The following TMEM135 variants were observed in gnomAD, a reference collection of about 807,000 sequenced individuals.
The protein encoded by TMEM135 is transmembrane protein 135.
TMEM135 carries 30 observed loss-of-function variants against 60.3 expected under a neutral mutation model. The ratio of observed to expected loss-of-function variants is 0.50; its 90% CI spans 0.37 to 0.68. The LOEUF (loss-of-function observed/expected upper bound fraction) is 0.68, where lower values mean the gene tolerates loss of function less well. Among genes scored for constraint, TMEM135 ranks in the 30% least tolerant of loss-of-function variants. The pLI is 0.00. For missense variants in TMEM135, 468 were observed against 548.8 expected (o/e 0.85, Z 1.47); for synonymous variants, 190 against 186.7 (o/e 1.02, Z -0.14).
At chr11:87,307,791 T>C (rs1942577614) in intron 9 of TMEM135, among the ~76,000 whole-genome samples, 2 of 152,206 alleles carry the variant, frequency 1.3e-5, no homozygotes, top group South Asian at 4.1e-4. Flanking sequence ...AATTACACCA[T>C]ATGTTAAATC....
chr11:87,236,919 A>G (rs1941010784), intron 6 of TMEM135, among the ~76,000 whole-genome samples: 1 of 151,858 alleles, frequency 6.6e-6, no homozygotes, highest in South Asian at 2.1e-4. Context: ...TTATAAGTTC[A>G]TCCTAGAAAG....
At position 87,323,674 on chromosome 11, in the gene TMEM135, A is replaced by G. The variant is rs1224779232; in HGVS notation, c.*2341A>G. On this transcript the variant is annotated 3_prime_UTR_variant, in exon 15 of 15. Coordinates refer to ENST00000305494, the MANE Select transcript of TMEM135 (RefSeq NM_022918.4). The stretch of plus-strand genomic sequence containing the variant: ...AAAACCGTGCATTTGGGGCAGTGGT[A>G]TTATGGTCATTTCGTTGCTATTTTC... The G allele has an allele frequency of 6.6e-6, 3 of 453,300 alleles. No individual in the cohort carries two copies. Among genetic ancestry groups the G allele is most frequent in the Non-Finnish European group, 1.3e-5 (3 of 226,594 alleles). The allele number at this position is 453,300 out of a possible 1,614,324, so 28.1% of individuals were successfully genotyped here.
chr11:87,245,190 A>G (rs1316773670), intron 6 of TMEM135, among the ~76,000 whole-genome samples: 1 of 151,204 alleles, frequency 6.6e-6, no homozygotes, highest in Non-Finnish European at 1.5e-5. Context: ...CTGAGTTCTA[A>G]TTTGATTGCA....
chr11:87,096,665 G>GA (rs1251497598), intron 4 of TMEM135: 3 of 152,024 alleles, frequency 2.0e-5, no homozygotes, highest in Non-Finnish European at 4.4e-5. Context: ...TTTCCATTGG[G>GA]AAAAAACCCT....
At chr11:87,080,018 T>G (rs141239707) in intron 3 of TMEM135, among the ~76,000 whole-genome samples, 2,251 of 151,522 alleles carry the variant, frequency 0.015, 59 homozygotes, top group African/African-American at 0.052. Flanking sequence ...ATTTTTGTAT[T>G]TTTAGTGGAG....
chr11:87,230,994 A>AT (rs1178160064), intron 5 of TMEM135, among the ~76,000 whole-genome samples: 1 of 152,096 alleles, frequency 6.6e-6, no homozygotes, highest in Non-Finnish European at 1.5e-5. Context: ...TCTATGAAAA[A>AT]ATGGTATGCA....
At chr11:87,320,640 A>G (rs1942804241) in intron 14 of TMEM135, among the ~76,000 whole-genome samples, 1 of 152,184 alleles carries the variant, frequency 6.6e-6, no homozygotes, top group Admixed American at 6.5e-5. Flanking sequence ...TAGGTTAGGT[A>G]ATGGATAACG....
At position 87,161,599 on chromosome 11, in the gene TMEM135, C is replaced by T. The variant is rs776821446; in HGVS notation, c.462+4193C>T. On this transcript the variant is annotated intron_variant, in intron 5 of 14. Coordinates refer to ENST00000305494, the MANE Select transcript of TMEM135 (RefSeq NM_022918.4). ...TTCAAACCCTGCTTCTTAATTAAAT[C>T]ATTTAGTTTCTTTTTATCAGCTGAT... Among the ~76,000 whole-genome samples the T allele has an allele frequency of 2.0e-5, 3 of 152,172 alleles. No homozygotes were observed. In the South Asian group the frequency reaches 6.2e-4, roughly 32 times the overall value.
intron 3 of TMEM135, among the ~76,000 whole-genome samples, chr11:87,079,015 A>T (rs957599393): frequency 6.7e-6 from 1 of 150,266 alleles, no homozygotes; most frequent in Admixed American, 6.6e-5. Context: ...TTATTTGTTT[A>T]TTTTTTGAGG....
At position 87,223,667 on chromosome 11, in the gene TMEM135, GCACACACA is replaced by G. The variant is rs113588295; in HGVS notation, c.463-12948_463-12941del. Among the ~76,000 whole-genome samples the G allele has an allele frequency of 3.9e-3, 463 of 118,464 alleles. 4 individuals are homozygous for G. Among genetic ancestry groups the G allele is most frequent in the Non-Finnish European group, 7.5e-3 (372 of 49,492 alleles). 77.7% of individuals were successfully genotyped at this position (118,464 alleles called of 152,430 possible). ...CTCTACTAAAAATACGCACATGCAC[GCACACACA>G]CACACACACACACACACACACAAAA... On this transcript the variant is annotated intron_variant, in intron 5 of 14. Coordinates refer to ENST00000305494, the MANE Select transcript of TMEM135 (RefSeq NM_022918.4).
intron 6 of TMEM135, among the ~76,000 whole-genome samples, chr11:87,285,744 G>A (rs1310208500): frequency 2.0e-5 from 3 of 152,242 alleles, no homozygotes; most frequent in Non-Finnish European, 2.9e-5. Context: ...CGAGCAGGTT[G>A]GCACTGCTGA....
intron 9 of TMEM135, among the ~76,000 whole-genome samples, chr11:87,307,540 C>T (rs1341209610): frequency 6.6e-6 from 1 of 151,780 alleles, no homozygotes; most frequent in Non-Finnish European, 1.5e-5. Flanking sequence ...AGAAATTTGG[C>T]GTGGGGAAGG....
chr11:87,314,557 AT>A lies in TMEM135; in HGVS notation c.1077+15del, dbSNP rs1390131473. 6.2e-7 allele frequency: 1 copy of A among 1,607,944 alleles called. No homozygotes were observed. The highest frequency in any genetic ancestry group is 8.5e-7 in the Non-Finnish European group (1 of 1,175,510). On this transcript the variant is annotated intron_variant, in intron 12 of 14. Transcript: ENST00000305494. ...GTCCAAATTGGTAGAGGTAAGCGAA[AT>A]TTTTGTGCAAGAATAGTTCCAAAGA...
chr11:87,121,325 C>T (rs995398048), intron 4 of TMEM135: 6 of 152,008 alleles, frequency 3.9e-5, no homozygotes, highest in African/African-American at 1.4e-4. Flanking sequence ...GCATAGTGAA[C>T]CTGACAGACA....
chr11:87,187,338 G>A (rs927647470), intron 5 of TMEM135, among the ~76,000 whole-genome samples: 1 of 152,148 alleles, frequency 6.6e-6, no homozygotes, highest in African/African-American at 2.4e-5. Context: ...AATACCTGAG[G>A]CCAGATTCTG....
chr11:87,141,443 G>A (rs1938259370), intron 4 of TMEM135, among the ~76,000 whole-genome samples: 1 of 152,084 alleles, frequency 6.6e-6, no homozygotes, highest in African/African-American at 2.4e-5. Flanking sequence ...TTTTTAATGA[G>A]TTTGCTAAAC....
At chr11:87,155,411 G>C (rs867070887) in intron 4 of TMEM135, among the ~76,000 whole-genome samples, 1 of 152,138 alleles carries the variant, frequency 6.6e-6, no homozygotes, top group Non-Finnish European at 1.5e-5. Context: ...TATAGTTTTA[G>C]GTCTTAAATT....
intron 6 of TMEM135, among the ~76,000 whole-genome samples, chr11:87,246,397 C>T (rs1029608473): frequency 1.3e-5 from 2 of 151,690 alleles, no homozygotes; most frequent in Middle Eastern, 3.2e-3. Context: ...GAATGTTGGC[C>T]TGCCTTGCTA....
intron 4 of TMEM135, among the ~76,000 whole-genome samples, chr11:87,149,192 G>T (rs896290859): frequency 6.3e-4 from 96 of 152,028 alleles, no homozygotes; most frequent in African/African-American, 2.3e-3. Flanking sequence ...GCTTAACTTT[G>T]TCTTGACAAC....
Sources: allele counts gnomAD v4.1 joint callset (sites outside exome capture counted in the v4.1 genomes callset), GRCh38; gene constraint gnomAD v4.1.1; transcripts MANE v1.5; gene names NCBI Gene and HGNC (gene_info 2026-07-23, HGNC 2026-07-21).